The following SLC25A53 variants were observed in gnomAD, a reference collection of about 807,000 sequenced individuals.
SLC25A53 encodes solute carrier family 25 member 53.
Under a neutral mutation model 15.0 loss-of-function variants are expected in SLC25A53, and 5 were observed. That is an observed-to-expected ratio of 0.33 (90% CI 0.17 to 0.70). The LOEUF (loss-of-function observed/expected upper bound fraction) is 0.70, where lower values mean the gene tolerates loss of function less well. SLC25A53 is among the 30% of genes least tolerant of loss of function. SLC25A53 has a pLI of 0.67. For synonymous variants in SLC25A53, 95 were observed against 100.0 expected (o/e 0.95, Z 0.30); for missense variants, 216 against 241.6 (o/e 0.89, Z 0.70).
intron 1 of SLC25A53, among the ~76,000 whole-genome samples, chrX:104,134,208 T>C (rs2075431619): frequency 8.9e-6 from 1 of 111,991 alleles, no homozygotes; most frequent in African/African-American, 3.2e-5. Flanking sequence ...TGTGGCAATA[T>C]CATCCTCCAC....
chrX:104,144,880 C>A (rs1375862772), intron 1 of SLC25A53, among the ~76,000 whole-genome samples: 1 of 111,290 alleles, frequency 9.0e-6, no homozygotes, highest in Non-Finnish European at 1.9e-5. Context: ...GACTTTAACA[C>A]CCCCTGTCAA....
At chrX:104,110,995 A>G (rs1417577531) in intron 1 of SLC25A53, among the ~76,000 whole-genome samples, 1 of 112,926 alleles carries the variant, frequency 8.9e-6, no homozygotes, top group Non-Finnish European at 1.9e-5. Context: ...TACGGAGTCC[A>G]GATTCTTTGC....
intron 1 of SLC25A53, among the ~76,000 whole-genome samples, chrX:104,125,984 A>G (rs2075409665): frequency 8.9e-6 from 1 of 112,038 alleles, no homozygotes; most frequent in South Asian, 3.7e-4. Flanking sequence ...CATAATTACT[A>G]TCAAAATCCC....
chrX:104,156,079 AAAG>A (rs1313851918), intron 1 of SLC25A53, among the ~76,000 whole-genome samples: 2 of 106,174 alleles, frequency 1.9e-5, no homozygotes, highest in African/African-American at 7.3e-5. Flanking sequence ...AGAAAGAAAG[AAAG>A]AAAAAAAAAA....
chrX:104,114,221 T>C lies in SLC25A53; in HGVS notation c.-31-8933A>G, dbSNP rs372054953. The C allele has an allele frequency of 2.6e-4, 311 of 1,206,077 alleles. 1 individual carries two copies. In the South Asian group the frequency reaches 4.9e-3, roughly 19 times the overall value. On this transcript the variant is annotated intron_variant, in intron 1 of 1. Transcript: ENST00000594199. Reference sequence around the variant, plus strand: ...CTGGGGAGGAGTCTCTGTCCTTTAGTGGTCAAAATGGCAGAGAGAAACATG... The same window carrying C: ...CTGGGGAGGAGTCTCTGTCCTTTAGCGGTCAAAATGGCAGAGAGAAACATG...
chrX:104,129,555 G>C (rs1282381029), intron 1 of SLC25A53, among the ~76,000 whole-genome samples: 1 of 108,986 alleles, frequency 9.2e-6, no homozygotes, highest in Admixed American at 9.9e-5. Flanking sequence ...GCAGAAACAA[G>C]AACATTGCCT....
chrX:104,131,406 T>A (rs2075425343), intron 1 of SLC25A53, among the ~76,000 whole-genome samples: 1 of 111,684 alleles, frequency 9.0e-6, no homozygotes, highest in Non-Finnish European at 1.9e-5. Context: ...AGGAGCCACA[T>A]GTTACAGACT....
chrX:104,116,913 C>A (rs2075378737), intron 1 of SLC25A53, among the ~76,000 whole-genome samples: 1 of 109,619 alleles, frequency 9.1e-6, no homozygotes, highest in African/African-American at 3.3e-5. Flanking sequence ...ATTCCTATCA[C>A]CCCTGCTCCA....
rs1219525402 is a variant in SLC25A53 at position 104,104,659 on chromosome X, T to G, written c.599A>C (p.Gln200Pro). 13 of 1,211,656 alleles carry G rather than the reference T, an allele frequency of 1.1e-5. No individual in the cohort carries two copies. The highest frequency in any genetic ancestry group is 1.5e-5 in the Non-Finnish European group (13 of 895,454). ...ALYFSFKDPIQDGLAEQGLPH... is the reference protein window; with the variant it reads ...ALYFSFKDPIPDGLAEQGLPH... ...CAGGCCTTGCTCTGCCAGGCCATCC[T>G]GGATGGGGTCCTTGAAAGAAAAATA... The change falls in exon 2 of 2, where the codon CAG (glutamine) becomes CCG (proline). Residue 200 changes from glutamine to proline, a missense_variant. Transcript: ENST00000594199.
chrX:104,142,761 A>C (rs2075454435), intron 1 of SLC25A53, among the ~76,000 whole-genome samples: 1 of 105,072 alleles, frequency 9.5e-6, no homozygotes, highest in Non-Finnish European at 2.0e-5. Flanking sequence ...TAAAACTACA[A>C]AAAAAAAAAA....
chrX:104,126,260 G>A (rs1294416692), intron 1 of SLC25A53, among the ~76,000 whole-genome samples: 1 of 111,503 alleles, frequency 9.0e-6, no homozygotes, highest in African/African-American at 3.3e-5. Flanking sequence ...AGTGAGCTAC[G>A]ATCACATCAC....
Position 104,104,895 on chromosome X carries a change from C to T in SLC25A53, c.363G>A (p.Gly121=). 1 of 1,211,798 alleles carries T rather than the reference C, an allele frequency of 8.3e-7. No homozygotes were observed. The highest frequency in any genetic ancestry group is 3.0e-5 in the East Asian group (1 of 33,843). Residue 121 remains glycine, a synonymous_variant, in exon 2 of 2, where the codon GGG becomes GGA. Coordinates refer to ENST00000594199, the MANE Select transcript of SLC25A53 (RefSeq NM_001012755.5). ...CGGCCTCCACCACGCCAGACATGAG[C>T]CCGGCAGCCCAGCGGTGTCCCAGGG... ...PHTLGHRWAA[G]LMSGVVEAVA... is the part of the protein sequence containing the mutation.
At chrX:104,119,088 T>C (rs2075386018) in intron 1 of SLC25A53, among the ~76,000 whole-genome samples, 1 of 111,676 alleles carries the variant, frequency 9.0e-6, no homozygotes, top group African/African-American at 3.3e-5. Context: ...GCTGCAACAA[T>C]GAGTGGAGGA....
intron 1 of SLC25A53, among the ~76,000 whole-genome samples, chrX:104,155,375 T>C (rs1372358392): frequency 1.8e-5 from 2 of 110,723 alleles, no homozygotes; most frequent in South Asian, 3.9e-4. Flanking sequence ...TAGTTAGAAA[T>C]GTAAATTCGG....
intron 1 of SLC25A53, among the ~76,000 whole-genome samples, chrX:104,138,561 G>A (rs1487804123): frequency 8.9e-6 from 1 of 112,704 alleles, no homozygotes; most frequent in Non-Finnish European, 1.9e-5. Context: ...GGCAGCTTGT[G>A]TTAGCTCAAT....
At chrX:104,110,553 T>C (rs1277692504) in intron 1 of SLC25A53, among the ~76,000 whole-genome samples, 5 of 112,420 alleles carry the variant, frequency 4.4e-5, no homozygotes, top group African/African-American at 9.7e-5. Context: ...TCAGACTGTT[T>C]ACTTGCTTCT....
intron 1 of SLC25A53, among the ~76,000 whole-genome samples, chrX:104,148,695 A>G (rs1486283965): frequency 9.0e-6 from 1 of 110,909 alleles, no homozygotes; most frequent in Non-Finnish European, 1.9e-5. Context: ...GGGTAGGAGG[A>G]CGGGGGAGGG....
chrX:104,112,360 C>T (rs1260884829), intron 1 of SLC25A53, among the ~76,000 whole-genome samples: 2 of 113,542 alleles, frequency 1.8e-5, no homozygotes, highest in East Asian at 5.6e-4. Flanking sequence ...GAGCTGCTGA[C>T]GCCGTGCCGC....
chrX:104,115,298 A>T (rs2075372586), intron 1 of SLC25A53: 1 of 1,172,874 alleles, frequency 8.5e-7, no homozygotes, highest in Non-Finnish European at 1.1e-6. Flanking sequence ...CCTGGAGAAC[A>T]CAGTGATGCT....
Sources: gnomAD v4.1 joint callset for allele counts (sites outside exome capture counted in the v4.1 genomes callset) on GRCh38, gnomAD v4.1.1 for gene constraint, MANE v1.5 for transcripts, NCBI Gene and HGNC (gene_info 2026-07-23, HGNC 2026-07-21) for gene names.